The following MCTP1 variants were observed in gnomAD, a reference collection of about 807,000 sequenced individuals.
MCTP1 encodes the protein multiple C2 and transmembrane domain containing 1, also known as multiple C2 and transmembrane domain-containing protein 1.
MCTP1 carries 69 observed loss-of-function variants against 120.6 expected under a neutral mutation model. The ratio of observed to expected loss-of-function variants is 0.57; its 90% CI spans 0.47 to 0.70. The LOEUF is 0.70. MCTP1 is among the 30% of genes least tolerant of loss of function. The pLI is 0.00. For missense variants in MCTP1, 1,203 were observed against 1,248.8 expected (o/e 0.96, Z 0.55); for synonymous variants, 529 against 493.1 (o/e 1.07, Z -0.96).
chr5:94,829,174 C>G (rs1787945251), intron 17 of MCTP1, among the ~76,000 whole-genome samples: 1 of 152,220 alleles, frequency 6.6e-6, no homozygotes, highest in South Asian at 2.1e-4. Context: ...CCAGAATGCA[C>G]TGTTCCTCAC....
At chr5:95,010,479 T>C (rs750738991) in intron 2 of MCTP1, among the ~76,000 whole-genome samples, 4 of 152,202 alleles carry the variant, frequency 2.6e-5, no homozygotes, top group Non-Finnish European at 4.4e-5. Context: ...ACTATCTATC[T>C]AATCGAATGT....
intron 19 of MCTP1, among the ~76,000 whole-genome samples, chr5:94,772,034 C>G (rs150542376): frequency 3.3e-5 from 5 of 152,160 alleles, no homozygotes; most frequent in African/African-American, 9.7e-5. Context: ...GTCCCCACCC[C>G]CTACCAGTTA....
rs1169588105 is a variant in MCTP1, at chr5:94,847,682, G to GTGTA, written c.2436+20650_2436+20651insTACA. On this transcript the variant is annotated intron_variant, in intron 17 of 22. Transcript: ENST00000515393. ...TGTGTGTGTGTGTGTGTGTGTGTGT[G>GTGTA]TATATATATATATATATATATATGT... 2.1e-3 allele frequency among the ~76,000 whole-genome samples: 212 copies of GTGTA among 102,382 alleles called. 5 individuals are homozygous for GTGTA. The highest frequency in any genetic ancestry group is 4.5e-3 in the East Asian group (16 of 3,532). The allele number at this position is 102,382 out of a possible 152,430, so 67.2% of individuals were successfully genotyped here.
chr5:95,045,688 C>T (rs1055868163), intron 1 of MCTP1, among the ~76,000 whole-genome samples: 1 of 152,112 alleles, frequency 6.6e-6, no homozygotes, highest in Admixed American at 6.6e-5. Flanking sequence ...CTATGGTGAC[C>T]TTATCATTGG....
At chr5:95,150,066 G>A (rs1760754180) in intron 1 of MCTP1, among the ~76,000 whole-genome samples, 3 of 152,006 alleles carry the variant, frequency 2.0e-5, no homozygotes, top group Non-Finnish European at 2.9e-5. Context: ...TCACCACTTT[G>A]TTTCCTTTCT....
chr5:95,026,035 G>T (rs1057228708), intron 1 of MCTP1, among the ~76,000 whole-genome samples: 14 of 152,108 alleles, frequency 9.2e-5, no homozygotes, highest in Non-Finnish European at 2.9e-5. Flanking sequence ...AGATATAAAG[G>T]TGCTGGTAAA....
chr5:95,010,225 AT>A (rs912330465), intron 2 of MCTP1, among the ~76,000 whole-genome samples: 2 of 151,026 alleles, frequency 1.3e-5, no homozygotes, highest in African/African-American at 4.9e-5. Flanking sequence ...CTTAATAGTT[AT>A]TTTTTTTTGA....
At chr5:94,751,055 G>A (rs1768165260) in intron 19 of MCTP1, among the ~76,000 whole-genome samples, 1 of 152,096 alleles carries the variant, frequency 6.6e-6, no homozygotes, top group African/African-American at 2.4e-5. Flanking sequence ...TCTCCTATAT[G>A]CCCTTAAACA....
chr5:94,960,574 GA>G (rs1314946350), intron 2 of MCTP1, among the ~76,000 whole-genome samples: 2 of 151,876 alleles, frequency 1.3e-5, no homozygotes, highest in Non-Finnish European at 2.9e-5. Context: ...AAATTTAAGA[GA>G]AAAAAACAAC....
chr5:94,935,339 A>C (rs1049528048), intron 5 of MCTP1, among the ~76,000 whole-genome samples: 11 of 152,012 alleles, frequency 7.2e-5, no homozygotes, highest in African/African-American at 2.7e-4. Flanking sequence ...AATCCACACA[A>C]GGAGAAATCA....
intron 1 of MCTP1, among the ~76,000 whole-genome samples, chr5:95,105,365 AAT>A (rs1367983878): frequency 3.3e-5 from 5 of 152,206 alleles, no homozygotes; most frequent in Non-Finnish European, 7.3e-5. Flanking sequence ...GAGACTCCAG[AAT>A]AGTGTTAACT....
chr5:95,030,190 G>C lies in MCTP1; in HGVS notation c.721-12706C>G, dbSNP rs140456854. Among the ~76,000 whole-genome samples, 230 of 152,274 alleles carry C rather than the reference G, an allele frequency of 1.5e-3. 2 individuals are homozygous for C. The highest frequency in any genetic ancestry group is 5.2e-3 in the African/African-American group (218 of 41,552). ...GCAACAGGGAAGTGATAGAGAAGCAGATCACATACCTGTTGGCTCAAGATG... is the reference window on the plus strand; with the variant it reads ...GCAACAGGGAAGTGATAGAGAAGCACATCACATACCTGTTGGCTCAAGATG... On this transcript the variant is annotated intron_variant, in intron 1 of 22. Transcript: ENST00000515393.
At chr5:95,062,774 G>T (rs925633294) in intron 1 of MCTP1, among the ~76,000 whole-genome samples, 2 of 151,652 alleles carry the variant, frequency 1.3e-5, no homozygotes, top group Admixed American at 1.3e-4. Context: ...TATGATTGCT[G>T]GGTCCAGGAA....
chr5:94,786,375 GTTCTT>G (rs765261308), intron 18 of MCTP1, among the ~76,000 whole-genome samples: 6 of 152,144 alleles, frequency 3.9e-5, no homozygotes, highest in Non-Finnish European at 8.8e-5. Context: ...GAAAACTTCA[GTTCTT>G]TTCTTATATC....
intron 17 of MCTP1, among the ~76,000 whole-genome samples, chr5:94,860,165 C>T (rs1795481031): frequency 6.6e-6 from 1 of 151,666 alleles, no homozygotes; most frequent in Non-Finnish European, 1.5e-5. Flanking sequence ...TTTTAAATCA[C>T]TCTCCTATTA....
At chr5:94,947,615 GAGAGAGAA>G (rs1330434611) in intron 3 of MCTP1, among the ~76,000 whole-genome samples, 35 of 127,476 alleles carry the variant, frequency 2.7e-4, no homozygotes, top group African/African-American at 7.0e-4. Context: ...GAGAGAGAGA[GAGAGAGAA>G]AGAGAGACAG....
At chr5:94,773,663 A>C (rs937609467) in intron 19 of MCTP1, among the ~76,000 whole-genome samples, 1 of 152,180 alleles carries the variant, frequency 6.6e-6, no homozygotes, top group Non-Finnish European at 1.5e-5. Flanking sequence ...GGGAGGACTC[A>C]CAATCATGGT....
At chr5:94,920,273 T>A (rs1393559629) in intron 7 of MCTP1, among the ~76,000 whole-genome samples, 1 of 11,762 alleles carries the variant, frequency 8.5e-5, no homozygotes, top group Non-Finnish European at 2.1e-4. Flanking sequence ...CAGAGACCTG[T>A]TTTTTTTTTT....
chr5:95,222,379 A>G (rs572089710), intron 1 of MCTP1, among the ~76,000 whole-genome samples: 19 of 152,364 alleles, frequency 1.2e-4, no homozygotes, highest in Non-Finnish European at 1.9e-4. Context: ...GAGAGACTAG[A>G]TACTGGAGGA....
Sources: allele counts gnomAD v4.1 joint callset (sites outside exome capture counted in the v4.1 genomes callset), GRCh38; gene constraint gnomAD v4.1.1; transcripts MANE v1.5; gene names NCBI Gene and HGNC (gene_info 2026-07-23, HGNC 2026-07-21).